Variants in TSPAN3 observed in about 807,000 individuals in gnomAD.
The protein encoded by TSPAN3 is tetraspanin-3.
In TSPAN3, 9 loss-of-function variants were observed where a neutral mutation model predicts 31.1. That is an observed-to-expected ratio of 0.29 (90% CI 0.17 to 0.50). TSPAN3 has a LOEUF of 0.50. TSPAN3 is among the 20% of genes least tolerant of loss of function. The probability of loss-of-function intolerance (pLI) is 0.98; values close to 1 mark genes in which losing one functional copy is unlikely to be tolerated. For missense variants in TSPAN3, 252 were observed against 313.5 expected, an observed-to-expected ratio of 0.80 and a Z score of 1.48; for synonymous variants, 129 against 114.3, an observed-to-expected ratio of 1.13 and a Z score of -0.82.
chr15:77,062,572 G>A (rs958050421), intron 1 of TSPAN3, among the ~76,000 whole-genome samples: 1 of 152,230 alleles, frequency 6.6e-6, no homozygotes, highest in Non-Finnish European at 1.5e-5. Context: ...GTGTGAGGGT[G>A]CAGAGAGAAG....
chr15:77,051,166 T>A (rs1440991687), intron 6 of TSPAN3, among the ~76,000 whole-genome samples: 2 of 152,092 alleles, frequency 1.3e-5, no homozygotes, highest in Non-Finnish European at 2.9e-5. Context: ...CCCAAAGTGC[T>A]GGGATTACAG....
At chr15:77,070,016 G>A (rs1211342528) in intron 1 of TSPAN3, 1 of 152,218 alleles carries the variant, frequency 6.6e-6, no homozygotes, top group African/African-American at 2.4e-5. Flanking sequence ...TGTGATAGAG[G>A]AAACGTTTTA....
Position 77,071,098 on chromosome 15 carries a change from AC to A in TSPAN3, c.-145del. 4.5e-6 allele frequency: 2 copies of A among 445,576 alleles called. No homozygotes were observed. The highest frequency in any genetic ancestry group is 7.0e-6 in the Non-Finnish European group (2 of 285,796). 27.6% of individuals were successfully genotyped at this position (445,576 alleles called of 1,614,324 possible). Reference sequence around the variant, plus strand: ...GCCCCTGCGCCGTCGCGCAGCCCCGACCCCAGCAAGTGCCTCGCTCCTCCGC... The same window carrying A: ...GCCCCTGCGCCGTCGCGCAGCCCCGACCCAGCAAGTGCCTCGCTCCTCCGC... On this transcript the variant is annotated 5_prime_UTR_variant, in exon 1 of 7. Transcript: ENST00000267970.
At chr15:77,056,991 G>T (rs533670274) in intron 1 of TSPAN3, among the ~76,000 whole-genome samples, 2 of 152,368 alleles carry the variant, frequency 1.3e-5, no homozygotes, top group African/African-American at 4.8e-5. Flanking sequence ...TGCTGGTGCA[G>T]CTTCTTCTTG....
rs978024529 is a variant in TSPAN3, at chr15:77,052,256, C to T, written c.669+129G>A. The T allele has an allele frequency of 1.6e-5, 12 of 757,380 alleles. No homozygotes were observed. The African/African-American group carries it at 1.7e-4, about 11-fold the overall frequency. 46.9% of individuals were successfully genotyped at this position (757,380 alleles called of 1,614,324 possible). On this transcript the variant is annotated intron_variant, in intron 6 of 6. Transcript: ENST00000267970. ...AATGGAAAACATGGGAAACTGGAGG[C>T]CAGTACCTCAGTCACTTCCACATTA... is the stretch of plus-strand genomic sequence containing the variant.
chr15:77,044,327 A>T lies in TSPAN3; in HGVS notation c.*2508T>A, dbSNP rs1263626523. On this transcript the variant is annotated 3_prime_UTR_variant, in exon 7 of 7. Coordinates refer to ENST00000267970, the MANE Select transcript of TSPAN3 (RefSeq NM_005724.6). ...CTCTCTGAAGAACAAGCACTGGGTA[A>T]TGCCAACACCTAGCCTCAGCTACAC... 6.6e-6 allele frequency: 1 copy of T among 152,272 alleles called. No individual in the cohort carries two copies. The allele number at this position is 152,272 out of a possible 1,614,324, so 9.4% of individuals were successfully genotyped here.
chr15:77,057,741 G>A lies in TSPAN3; in HGVS notation c.64-1486C>T, dbSNP rs878998392. Among the ~76,000 whole-genome samples, 3 of 152,146 alleles carry A rather than the reference G, an allele frequency of 2.0e-5. No individual in the cohort carries two copies. In the East Asian group the frequency reaches 5.8e-4, roughly 29 times the overall value. ...AGATGTTAGTGATCTCCAGGATTCT[G>A]TCTTCGGCCTTATTCTTTAGTCATT... On this transcript the variant is annotated intron_variant, in intron 1 of 6. Coordinates refer to ENST00000267970, the MANE Select transcript of TSPAN3 (RefSeq NM_005724.6).
intron 5 of TSPAN3, 79 bp from the exon 6 acceptor site, chr15:77,052,547 A>G: frequency 7.3e-7 from 1 of 1,367,824 alleles, no homozygotes; most frequent in Non-Finnish European, 1.0e-6. Flanking sequence ...CTACCCACTT[A>G]CAGAAAGGAA....
intron 1 of TSPAN3, among the ~76,000 whole-genome samples, chr15:77,061,325 C>G (rs2076799331): frequency 6.6e-6 from 1 of 152,144 alleles, no homozygotes; most frequent in African/African-American, 2.4e-5. Context: ...GTCATGAATT[C>G]GAGACCGGCC....
chr15:77,070,517 T>TCCTA (rs898073906), intron 1 of TSPAN3, among the ~76,000 whole-genome samples: 24 of 151,762 alleles, frequency 1.6e-4, no homozygotes, highest in Admixed American at 1.2e-3. Flanking sequence ...CTGGCGAAGA[T>TCCTA]CCTATTTCGA....
rs186225621 is a variant in TSPAN3, at chr15:77,062,048, G to A, written c.64-5793C>T. On this transcript the variant is annotated intron_variant, in intron 1 of 6. Coordinates refer to ENST00000267970, the MANE Select transcript of TSPAN3 (RefSeq NM_005724.6). ...GTACTCTAGACTTTGTAAGAAAGCA[G>A]GTTTTAAAAGCAGAGGGAAAAAATA... 5.3e-5 allele frequency among the ~76,000 whole-genome samples: 8 copies of A among 152,196 alleles called. No homozygotes were observed. The East Asian group carries it at 1.5e-3, about 29-fold the overall frequency.
At chr15:77,070,299 T>C (rs954081200) in intron 1 of TSPAN3, among the ~76,000 whole-genome samples, 18 of 152,196 alleles carry the variant, frequency 1.2e-4, no homozygotes, top group African/African-American at 4.3e-4. Context: ...CCAAAACAAA[T>C]AGACCGATGT....
chr15:77,068,964 T>C (rs938170914), intron 1 of TSPAN3, among the ~76,000 whole-genome samples: 4 of 152,244 alleles, frequency 2.6e-5, no homozygotes, highest in African/African-American at 4.8e-5. Context: ...CAAGTGTCTT[T>C]ATAACAGAAT....
In TSPAN3 at chr15:77,053,078, G is replaced by A; in HGVS notation, c.433-149C>T. The A allele has an allele frequency of 4.1e-6, 3 of 725,540 alleles. 1 individual carries two copies. The South Asian group carries it at 6.5e-5, about 16-fold the overall frequency. The allele number at this position is 725,540 out of a possible 1,614,324, so 44.9% of individuals were successfully genotyped here. Reference sequence around the variant, plus strand: ...AAAGTCTGCATGATCCAATATAGCAGCCACTAGCCACATGAAGCTCTACTG... The same window carrying A: ...AAAGTCTGCATGATCCAATATAGCAACCACTAGCCACATGAAGCTCTACTG... On this transcript the variant is annotated intron_variant, in intron 4 of 6. Transcript: ENST00000267970.
At position 77,048,042 on chromosome 15, in the gene TSPAN3, A is replaced by T. The variant is rs529677790; in HGVS notation, c.670-1115T>A. Among the ~76,000 whole-genome samples, 47 of 152,294 alleles carry T rather than the reference A, an allele frequency of 3.1e-4. No individual in the cohort carries two copies. The South Asian group carries it at 9.5e-3, about 31-fold the overall frequency. ...CCTCACATTAACCTATATTCTGCCCATTCGGGATATATATTTCCTGCTCAA... is the reference window on the plus strand; with the variant it reads ...CCTCACATTAACCTATATTCTGCCCTTTCGGGATATATATTTCCTGCTCAA... On this transcript the variant is annotated intron_variant, in intron 6 of 6. Transcript: ENST00000267970.
chr15:77,066,670 T>C (rs113935033), intron 1 of TSPAN3, among the ~76,000 whole-genome samples: 7,576 of 149,204 alleles, frequency 0.051, 494 homozygotes, highest in African/African-American at 0.16. Context: ...GGGTCCAGCA[T>C]GAATACACTT....
chr15:77,067,515 G>A (rs1173406536), intron 1 of TSPAN3: 1 of 152,198 alleles, frequency 6.6e-6, no homozygotes, highest in South Asian at 2.1e-4. Context: ...CCATCTGACA[G>A]TGAAGAGCCA....
At chr15:77,064,620 C>G (rs962355211) in intron 1 of TSPAN3, 1 of 152,232 alleles carries the variant, frequency 6.6e-6, no homozygotes, top group African/African-American at 2.4e-5. Flanking sequence ...GGTCAGTGGA[C>G]AGGTGACTAA....
chr15:77,052,534 C>T (rs2152695818), intron 5 of TSPAN3, 66 bp from the exon 6 acceptor site: 5 of 1,417,652 alleles, frequency 3.5e-6, no homozygotes, highest in Non-Finnish European at 5.0e-6. Context: ...GATTCACAGG[C>T]CACTACCCAC....
Sources: gnomAD v4.1 joint callset for allele counts (sites outside exome capture counted in the v4.1 genomes callset) on GRCh38, gnomAD v4.1.1 for gene constraint, MANE v1.5 for transcripts, NCBI Gene and HGNC (gene_info 2026-07-23, HGNC 2026-07-21) for gene names.